The following CBLIF variants were observed in gnomAD, a reference collection of about 807,000 sequenced individuals.
CBLIF encodes the protein gastric intrinsic factor (vitamin B synthesis).
CBLIF carries 24 observed loss-of-function variants against 44.9 expected under a neutral mutation model. The observed-to-expected ratio is 0.53, with a 90% CI of 0.39 to 0.75. CBLIF has a LOEUF of 0.75. Among genes scored for constraint, CBLIF ranks in the 30% least tolerant of loss-of-function variants. CBLIF has a pLI of 0.00. For synonymous variants in CBLIF, 183 were observed against 190.9 expected (o/e 0.96, Z 0.34); for missense variants, 481 against 513.0 (o/e 0.94, Z 0.60).
At chr11:59,840,903 C>T in intron 5 of CBLIF, 5 of 439,356 alleles carry the variant, frequency 1.1e-5, no homozygotes, top group East Asian at 3.9e-5. Context: ...TTTTTTTTCC[C>T]AAGAAAGAGA....
intron 8 of CBLIF, among the ~76,000 whole-genome samples, chr11:59,830,394 GC>G (rs1467961642): frequency 2.0e-5 from 3 of 151,846 alleles, no homozygotes; most frequent in African/African-American, 7.2e-5. Context: ...CCGCCACCAC[GC>G]CTGACTAATT....
chr11:59,834,955 C>T (rs945172925), intron 7 of CBLIF, among the ~76,000 whole-genome samples: 5 of 152,076 alleles, frequency 3.3e-5, no homozygotes, highest in Admixed American at 2.0e-4. Flanking sequence ...CCTATTCTCA[C>T]GACCTAAGCA....
intron 5 of CBLIF, among the ~76,000 whole-genome samples, chr11:59,839,633 A>G (rs537018900): frequency 1.3e-5 from 2 of 152,184 alleles, no homozygotes; most frequent in Non-Finnish European, 2.9e-5. Flanking sequence ...AGGATGCCTA[A>G]ATAAGTTCCA....
Position 59,829,427 on chromosome 11 carries a change from GA to G in CBLIF, c.*56del. ...TTTTGCATAGATTTAAAATGAAGTG[GA>G]AAAAATTTCACCCATCCTTTGGAGA... is the stretch of plus-strand genomic sequence containing the variant. On this transcript the variant is annotated 3_prime_UTR_variant, in exon 9 of 9. Transcript: ENST00000257248. 1 of 1,101,834 alleles carries G rather than the reference GA, an allele frequency of 9.1e-7. No homozygotes were observed. Among genetic ancestry groups the G allele is most frequent in the Non-Finnish European group, 1.4e-6 (1 of 712,422 alleles). The allele number at this position is 1,101,834 out of a possible 1,614,324, so 68.3% of individuals were successfully genotyped here. A position where few individuals can be genotyped will look rare whatever the true frequency, so the allele number is the denominator to read the frequency against.
At chr11:59,837,372 A>T in intron 5 of CBLIF, 21 bp from the exon 6 acceptor site, 1 of 1,584,908 alleles carries the variant, frequency 6.3e-7, no homozygotes, top group South Asian at 1.1e-5. Context: ...AGACAGAAAG[A>T]GAGAGAAAGA....
rs77410403 is a variant in CBLIF, at chr11:59,830,874, A to G, written c.1192+804T>C. Among the ~76,000 whole-genome samples, 1,377 of 152,310 alleles carry G rather than the reference A, an allele frequency of 9.0e-3. 23 individuals carry two copies. The highest frequency in any genetic ancestry group is 0.032 in the African/African-American group (1,319 of 41,554). ...CCTCTGTGATTCCAAGATCTTTATT[A>G]TATGCTTTGCTACAACTCCACAAAT... On this transcript the variant is annotated intron_variant, in intron 8 of 8. Transcript: ENST00000257248.
intron 8 of CBLIF, among the ~76,000 whole-genome samples, chr11:59,830,712 G>C (rs1451143769): frequency 6.6e-6 from 1 of 152,048 alleles, no homozygotes; most frequent in Admixed American, 6.6e-5. Context: ...ATCATTCTAA[G>C]TATATTATTT....
chr11:59,843,904 G>GT lies in CBLIF; in HGVS notation c.230dup (p.Tyr77Ter). Residue 77 changes from tyrosine to a stop codon, truncating the protein, a stop_gained and frameshift_variant, in exon 2 of 9, where the codon TAC becomes TAAC. Coordinates refer to ENST00000257248, the MANE Select transcript of CBLIF (RefSeq NM_005142.3). LOFTEE classifies it high-confidence loss of function. ...YNLKAQKLLT[Y>*]QLMSSDNNDL... Reference sequence around the variant, plus strand: ...CGTTGTTGTCGCTGGACATGAGCTGGTAAGTCAGGAGCTTCTGGGCCTTCA... The same window carrying GT: ...CGTTGTTGTCGCTGGACATGAGCTGGTTAAGTCAGGAGCTTCTGGGCCTTCA... 6 of 1,613,640 alleles carry GT rather than the reference G, an allele frequency of 3.7e-6. No individual in the cohort carries two copies. Among genetic ancestry groups the GT allele is most frequent in the Non-Finnish European group, 5.1e-6 (6 of 1,179,668 alleles).
chr11:59,841,163 T>C lies in CBLIF; in HGVS notation c.673A>G (p.Ser225Gly). ...KDNGIIGDIY[S>G]TGLAMQALSV... ...TTTACCTGCATGGCGAGGCCAGTACTGTAGATGTCTCCAATGATGCCATTA... is the reference window on the plus strand; with the variant it reads ...TTTACCTGCATGGCGAGGCCAGTACCGTAGATGTCTCCAATGATGCCATTA... The change falls in exon 5 of 9, where the codon AGT becomes GGT. Residue 225 changes from serine (S) to glycine (G), a missense_variant. Physicochemically the swap from Ser to Gly is moderately conservative, Grantham distance 56. Transcript: ENST00000257248. 6.2e-7 allele frequency: 1 copy of C among 1,613,688 alleles called. No individual in the cohort carries two copies. Among genetic ancestry groups the C allele is most frequent in the Non-Finnish European group, 8.5e-7 (1 of 1,179,556 alleles).
At position 59,837,220 on chromosome 11, in the gene CBLIF, C is replaced by T. The variant is rs766656335; in HGVS notation, c.825G>A (p.Leu275=). ...PMSIAQILPS[L]KGKTYLDVPQ... ...GCACATCTAGGTATGTCTTGCCTTT[C>T]AGGGAAGGGAGGATTTGAGCAATGG... Residue 275 remains leucine, a synonymous_variant, in exon 6 of 9, where the codon CTG becomes CTA. Transcript: ENST00000257248. The T allele has an allele frequency of 6.2e-7, 1 of 1,614,058 alleles. No homozygotes were observed. The highest frequency in any genetic ancestry group is 1.7e-5 in the Admixed American group (1 of 60,020).
At chr11:59,833,604 A>T (rs1358236290) in intron 7 of CBLIF, among the ~76,000 whole-genome samples, 1 of 152,158 alleles carries the variant, frequency 6.6e-6, no homozygotes, top group Non-Finnish European at 1.5e-5. Flanking sequence ...GGAGTCGTGC[A>T]GTAAGCAGCA....
chr11:59,830,688 A>C (rs1866362650), intron 8 of CBLIF, among the ~76,000 whole-genome samples: 1 of 152,184 alleles, frequency 6.6e-6, no homozygotes, highest in African/African-American at 2.4e-5. Flanking sequence ...GCCATGCAAA[A>C]AACATTGTAC....
At chr11:59,843,482 C>T (rs1866565509) in intron 2 of CBLIF, among the ~76,000 whole-genome samples, 5 of 152,078 alleles carry the variant, frequency 3.3e-5, no homozygotes, top group Non-Finnish European at 1.5e-5. Context: ...GCAGGCAGCT[C>T]CTGGGAGATA....
At chr11:59,845,023 TTTTA>T (rs1866587058) in intron 1 of CBLIF, among the ~76,000 whole-genome samples, 1 of 152,038 alleles carries the variant, frequency 6.6e-6, no homozygotes, top group Admixed American at 6.6e-5. Context: ...AATTTTTTAT[TTTTA>T]TTTATTTATT....
chr11:59,829,621 G>T (rs1866342622), intron 8 of CBLIF, 76 bp from the exon 9 acceptor site: 1 of 857,660 alleles, frequency 1.2e-6, no homozygotes, highest in African/African-American at 1.7e-5. Flanking sequence ...GATGCAGTGA[G>T]CTAGATGCAG....
In CBLIF at chr11:59,842,436, T is replaced by A; in HGVS notation, c.511+7A>T. 1 of 1,613,444 alleles carries A rather than the reference T, an allele frequency of 6.2e-7. No individual in the cohort carries two copies. Among genetic ancestry groups the A allele is most frequent in the Non-Finnish European group, 8.5e-7 (1 of 1,179,898 alleles). ...TTCCCAGCTCGGGGTAGTGGTGACC[T>A]ACTCACCTACATTGAAGGGAGAGGA... On this transcript the variant is annotated splice_region_variant and intron_variant, in intron 4 of 8. Coordinates refer to ENST00000257248, the MANE Select transcript of CBLIF (RefSeq NM_005142.3).
At position 59,837,294 on chromosome 11, in the gene CBLIF, C is replaced by T. The variant is rs139320672; in HGVS notation, c.751G>A (p.Asp251Asn). The change falls in exon 6 of 9, where the codon GAT becomes AAT. Residue 251 changes from aspartate to asparagine, a missense_variant. Transcript: ENST00000257248. ...TGCTTAATCTCATTGAGTATCATAT[C>T]CGTAGTCTTCTTGCAGTTCCATTCC... ...KKEWNCKKTT[D>N]MILNEIKQGK... 4 of 1,612,918 alleles carry T rather than the reference C, an allele frequency of 2.5e-6. No individual in the cohort carries two copies. The Admixed American group carries it at 5.0e-5, about 20-fold the overall frequency.
chr11:59,841,284 G>T lies in CBLIF; in HGVS notation c.552C>A (p.Tyr184Ter), dbSNP rs1387305169. Residue 184 changes from tyrosine to a stop codon, truncating the protein, a stop_gained, in exon 5 of 9, where the codon TAC (tyrosine) becomes TAA (stop). Coordinates refer to ENST00000257248, the MANE Select transcript of CBLIF (RefSeq NM_005142.3). LOFTEE classifies it high-confidence loss of function. Reference sequence around the variant, plus strand: ...CCTCTGAACCTACAGGGATCTTGTTGTACATACAGGTCAGAGCCAAGGTTG... The same window carrying T: ...CCTCTGAACCTACAGGGATCTTGTTTTACATACAGGTCAGAGCCAAGGTTG... Reference protein sequence around the residue: ...AMATLALTCMYNKIPVGSEEG... With the variant: ...AMATLALTCM 1 of 1,613,838 alleles carries T rather than the reference G, an allele frequency of 6.2e-7. No homozygotes were observed. The highest frequency in any genetic ancestry group is 1.7e-5 in the Admixed American group (1 of 60,014).
chr11:59,837,311 T>G lies in CBLIF; in HGVS notation c.734A>C (p.Asn245Thr). 6.2e-7 allele frequency: 1 copy of G among 1,613,444 alleles called. No homozygotes were observed. The highest frequency in any genetic ancestry group is 1.7e-5 in the Admixed American group (1 of 60,020). The change falls in exon 6 of 9, where the codon AAC becomes ACC. Residue 245 changes from asparagine (N) to threonine (T), a missense_variant. Physicochemically the swap from Asn to Thr is moderately conservative, Grantham distance 65 (BLOSUM62 0). Coordinates refer to ENST00000257248, the MANE Select transcript of CBLIF (RefSeq NM_005142.3). ...VTPEPSKKEW[N>T]CKKTTDMILN... ...TATCATATCCGTAGTCTTCTTGCAG[T>G]TCCATTCCTTTTTAGATGGCTCAGG...
Sources: allele counts gnomAD v4.1 joint callset (sites outside exome capture counted in the v4.1 genomes callset), GRCh38; gene constraint gnomAD v4.1.1; transcripts MANE v1.5; gene names NCBI Gene and HGNC (gene_info 2026-07-23, HGNC 2026-07-21).